GRIK4: variants seen among roughly 807,000 people sequenced by gnomAD.
GRIK4 encodes the protein glutamate ionotropic receptor kainate type subunit 4.
GRIK4 carries 40 observed loss-of-function variants against 104.9 expected under a neutral mutation model. That is an observed-to-expected ratio of 0.38 (90% confidence interval 0.30 to 0.50). The LOEUF (loss-of-function observed/expected upper bound fraction) is 0.50. Ranked by LOEUF, GRIK4 falls within the 20% of genes least tolerant of loss-of-function variation. GRIK4 has a pLI of 0.93. For synonymous variants in GRIK4, 485 were observed against 524.9 expected, an observed-to-expected ratio of 0.92 and a Z score of 1.04; for missense variants, 1,047 against 1,308.1, an observed-to-expected ratio of 0.80 and a Z score of 3.08.
At chr11:120,544,211 G>A (rs1373210355) in intron 1 of GRIK4, among the ~76,000 whole-genome samples, 1 of 152,230 alleles carries the variant, frequency 6.6e-6, no homozygotes, top group Non-Finnish European at 1.5e-5. Context: ...TGTGGCCTTG[G>A]TGGTGATAGT....
chr11:120,923,446 T>G (rs1303952492), intron 13 of GRIK4, among the ~76,000 whole-genome samples: 2 of 119,412 alleles, frequency 1.7e-5, no homozygotes, highest in Non-Finnish European at 3.2e-5. Flanking sequence ...GGAGTCTCAC[T>G]CAGTCGCCCA....
At chr11:120,871,164 G>A (rs1027231202) in intron 9 of GRIK4, 1 of 161,554 alleles carries the variant, frequency 6.2e-6, no homozygotes, top group South Asian at 1.8e-4. Flanking sequence ...TTGGTTTATA[G>A]CATCATTTAA....
intron 3 of GRIK4, among the ~76,000 whole-genome samples, chr11:120,782,982 G>A (rs1952189197): frequency 1.3e-5 from 2 of 152,186 alleles, no homozygotes; most frequent in Non-Finnish European, 2.9e-5. Context: ...TCACACTCAC[G>A]AGGGAGGAGC....
Position 120,986,207 on chromosome 11 carries a change from A to G in GRIK4, c.2818A>G (p.Ser940Gly). The change falls in exon 21 of 21, where the codon AGC (serine) becomes GGC (glycine). Residue 940 changes from serine (S) to glycine (G), a missense_variant. Ser to Gly is a moderately conservative substitution (Grantham distance 56). Coordinates refer to ENST00000527524, the MANE Select transcript of GRIK4 (RefSeq NM_014619.5). ...GLRARPSPARSEESLEWEKTT... is the reference protein window; with the variant it reads ...GLRARPSPARGEESLEWEKTT... Reference sequence around the variant, plus strand: ...GCGGGCACGGCCGTCGCCCGCCCGCAGCGAGGAGAGCCTGGAGTGGGAGAA... The same window carrying G: ...GCGGGCACGGCCGTCGCCCGCCCGCGGCGAGGAGAGCCTGGAGTGGGAGAA... The G allele has an allele frequency of 6.4e-7, 1 of 1,571,068 alleles. No individual in the cohort carries two copies. Among genetic ancestry groups the G allele is most frequent in the South Asian group, 1.1e-5 (1 of 88,212 alleles).
chr11:120,536,325 T>C (rs977215761), intron 1 of GRIK4, among the ~76,000 whole-genome samples: 2 of 152,190 alleles, frequency 1.3e-5, no homozygotes, highest in Non-Finnish European at 2.9e-5. Flanking sequence ...CCTCTTTTTC[T>C]CTGTTTCAAA....
chr11:120,536,429 A>C (rs1283729735), intron 1 of GRIK4, among the ~76,000 whole-genome samples: 1 of 152,120 alleles, frequency 6.6e-6, no homozygotes, highest in Non-Finnish European at 1.5e-5. Flanking sequence ...AAAAGGTGAA[A>C]AGCTGTACAT....
intron 1 of GRIK4, among the ~76,000 whole-genome samples, chr11:120,635,553 A>G (rs1475000131): frequency 1.3e-5 from 2 of 152,236 alleles, no homozygotes; most frequent in African/African-American, 2.4e-5. Context: ...GAAGTCCCCC[A>G]GGGAGGGGTA....
intron 19 of GRIK4, among the ~76,000 whole-genome samples, chr11:120,973,790 G>C (rs1383261945): frequency 1.3e-5 from 2 of 152,226 alleles, no homozygotes; most frequent in Non-Finnish European, 1.5e-5. Flanking sequence ...CGAAACGGGA[G>C]GTGCCATTGC....
chr11:120,616,659 C>T (rs1321246697), intron 1 of GRIK4, among the ~76,000 whole-genome samples: 1 of 152,184 alleles, frequency 6.6e-6, no homozygotes, highest in African/African-American at 2.4e-5. Flanking sequence ...CACAAGGCAC[C>T]AGACCCCTCC....
intron 8 of GRIK4, among the ~76,000 whole-genome samples, chr11:120,860,858 C>T (rs976562097): frequency 6.6e-6 from 1 of 152,178 alleles, no homozygotes; most frequent in African/African-American, 2.4e-5. Flanking sequence ...TCCCATCACA[C>T]ATAGGACAAA....
intron 13 of GRIK4, among the ~76,000 whole-genome samples, chr11:120,938,012 T>G (rs1468532468): frequency 6.6e-6 from 1 of 152,204 alleles, no homozygotes; most frequent in Non-Finnish European, 1.5e-5. Context: ...CACGTTTACC[T>G]CATGCCCATT....
rs191030197 is a variant in GRIK4, at chr11:120,939,708, G to A, written c.1477-639G>A. ...ACTCAATATTGAGAATGGGCCAGGCGCGGTGGCTCATGCCTATAATCCCAT... is the reference window on the plus strand; with the variant it reads ...ACTCAATATTGAGAATGGGCCAGGCACGGTGGCTCATGCCTATAATCCCAT... On this transcript the variant is annotated intron_variant, in intron 13 of 20. Transcript: ENST00000527524. This position sits in a 1 kb window ranked among gnomAD's most constrained non-coding sequence, Gnocchi z 5.6. Among the ~76,000 whole-genome samples the A allele has an allele frequency of 1.6e-4, 25 of 152,280 alleles. No individual in the cohort carries two copies. The East Asian group carries it at 1.9e-3, about 12-fold the overall frequency.
intron 15 of GRIK4, among the ~76,000 whole-genome samples, chr11:120,955,914 C>T (rs7123343): frequency 0.25 from 38,192 of 151,766 alleles, 5,971 homozygotes; most frequent in Admixed American, 0.38. Flanking sequence ...GACACTGGCC[C>T]GGTGGCACCA....
At chr11:120,596,956 A>G (rs933868008) in intron 1 of GRIK4, among the ~76,000 whole-genome samples, 2 of 152,092 alleles carry the variant, frequency 1.3e-5, no homozygotes, top group Non-Finnish European at 2.9e-5. Flanking sequence ...AACTCCTGAC[A>G]TCAAGTGATC....
At chr11:120,875,798 A>G (rs761257781) in intron 11 of GRIK4, among the ~76,000 whole-genome samples, 1 of 152,012 alleles carries the variant, frequency 6.6e-6, no homozygotes, top group African/African-American at 2.4e-5. Context: ...TCCTTTGCTC[A>G]TTCTCCGCCA....
At chr11:120,955,446 C>A (rs1428992235) in intron 15 of GRIK4, among the ~76,000 whole-genome samples, 1 of 152,214 alleles carries the variant, frequency 6.6e-6, no homozygotes, top group African/African-American at 2.4e-5. Context: ...GTGAAGATAA[C>A]ACCGAGCACA....
At chr11:120,741,265 C>T (rs907338644) in intron 3 of GRIK4, among the ~76,000 whole-genome samples, 5 of 149,378 alleles carry the variant, frequency 3.3e-5, no homozygotes, top group African/African-American at 7.4e-5. Flanking sequence ...CAGAACAGGC[C>T]GTGTGCTTTC....
chr11:120,904,338 G>A (rs188132713), intron 12 of GRIK4, among the ~76,000 whole-genome samples: 7 of 152,118 alleles, frequency 4.6e-5, no homozygotes, highest in African/African-American at 1.2e-4. Context: ...GTCATCCACC[G>A]GGCTCCAAGG....
intron 1 of GRIK4, among the ~76,000 whole-genome samples, chr11:120,590,936 G>A (rs938816670): frequency 6.6e-6 from 1 of 152,132 alleles, no homozygotes; most frequent in African/African-American, 2.4e-5. Context: ...CCTTCCCGGG[G>A]TTTCTGTAGG....
Sources: allele counts gnomAD v4.1 joint callset (sites outside exome capture counted in the v4.1 genomes callset), GRCh38; gene constraint gnomAD v4.1.1; non-coding constraint Gnocchi (gnomAD v3.1); transcripts MANE v1.5; gene names NCBI Gene and HGNC (gene_info 2026-07-23, HGNC 2026-07-21).